ZUP1: variants seen among roughly 807,000 people sequenced by gnomAD.
ZUP1 encodes zinc finger-containing ubiquitin peptidase 1.
In ZUP1, 55 loss-of-function variants were observed where a neutral mutation model predicts 68.1. The ratio of observed to expected loss-of-function variants is 0.81; its 90% CI spans 0.65 to 1.01. ZUP1 has a LOEUF of 1.01. Among genes scored for constraint, ZUP1 ranks in the 50% least tolerant of loss-of-function variants. The probability of loss-of-function intolerance (pLI) is 0.00; values close to 1 mark genes in which losing one functional copy is unlikely to be tolerated. For missense variants in ZUP1, 684 were observed against 674.9 expected, an observed-to-expected ratio of 1.01 and a Z score of -0.15; for synonymous variants, 223 against 221.5, an observed-to-expected ratio of 1.01 and a Z score of -0.06.
rs778372905 is a variant in ZUP1 at position 116,666,844 on chromosome 6, C to T, written c.349G>A (p.Gly117Ser). 68 of 1,610,420 alleles carry T rather than the reference C, an allele frequency of 4.2e-5. 1 individual carries two copies. The South Asian group carries it at 7.4e-4, about 18-fold the overall frequency. ...LTKDSTLKHE[G>S]FYSENLTESR... The stretch of plus-strand genomic sequence containing the variant: ...TCAGTTAAGTTCTCTGAATAGAAGC[C>T]TTCATGTTTTAAAGTACTATCTTTA... The change falls in exon 2 of 10, where the codon GGC becomes AGC. Residue 117 changes from glycine (G) to serine (S), a missense_variant. Gly to Ser is a moderately conservative substitution (Grantham distance 56). Transcript: ENST00000368576.
chr6:116,642,118 C>T (rs992675714), intron 9 of ZUP1, among the ~76,000 whole-genome samples: 30 of 152,032 alleles, frequency 2.0e-4, no homozygotes, highest in Non-Finnish European at 3.1e-4. Context: ...AACATACATT[C>T]TCCCAAGACT....
At chr6:116,648,844 C>T (rs985344606) in intron 7 of ZUP1, among the ~76,000 whole-genome samples, 2 of 151,762 alleles carry the variant, frequency 1.3e-5, no homozygotes, top group African/African-American at 4.8e-5. Flanking sequence ...GTGGCACATG[C>T]CTGTAATCCC....
At chr6:116,655,825 T>C (rs1776646269) in intron 5 of ZUP1, among the ~76,000 whole-genome samples, 2 of 152,156 alleles carry the variant, frequency 1.3e-5, no homozygotes, top group African/African-American at 4.8e-5. Context: ...ATAGAGTTGT[T>C]AGTGTCTAAA....
chr6:116,643,860 C>G (rs1158592889), intron 9 of ZUP1, among the ~76,000 whole-genome samples: 2 of 152,192 alleles, frequency 1.3e-5, no homozygotes, highest in Admixed American at 6.5e-5. Flanking sequence ...AACTACAGAG[C>G]TTCTGCACAG....
chr6:116,667,528 T>C (rs1006212464), intron 1 of ZUP1, among the ~76,000 whole-genome samples: 1 of 151,738 alleles, frequency 6.6e-6, no homozygotes, highest in Non-Finnish European at 1.5e-5. Context: ...AAGAAAAAAA[T>C]GAAGAGAAGA....
Position 116,651,466 on chromosome 6 carries a change from C to T in ZUP1, c.1316+106G>A, listed in dbSNP as rs1419228811. On this transcript the variant is annotated intron_variant, in intron 7 of 9. Transcript: ENST00000368576. ...ATTTTCATTGCTACTTAATTTAGTGCTACTTAATTTTATTTTTAAACTATC... is the reference window on the plus strand; with the variant it reads ...ATTTTCATTGCTACTTAATTTAGTGTTACTTAATTTTATTTTTAAACTATC... 3 of 917,476 alleles carry T rather than the reference C, an allele frequency of 3.3e-6. No homozygotes were observed. In the East Asian group the frequency reaches 8.4e-5, roughly 26 times the overall value. 56.8% of individuals were successfully genotyped at this position (917,476 alleles called of 1,614,324 possible). A position where few individuals can be genotyped will look rare whatever the true frequency, so the allele number is the denominator to read the frequency against.
rs745557696 is a variant in ZUP1 at position 116,666,845 on chromosome 6, T to C, written c.348A>G (p.Glu116=). ...CAGTTAAGTTCTCTGAATAGAAGCC[T>C]TCATGTTTTAAAGTACTATCTTTAG... The part of the protein sequence containing the change: ...NLTKDSTLKH[E]GFYSENLTES... Residue 116 remains glutamate (E), a synonymous_variant, in exon 2 of 10, where the codon GAA becomes GAG. Coordinates refer to ENST00000368576, the MANE Select transcript of ZUP1 (RefSeq NM_145062.3). 1 of 1,610,664 alleles carries C rather than the reference T, an allele frequency of 6.2e-7. No homozygotes were observed. Among genetic ancestry groups the C allele is most frequent in the South Asian group, 1.1e-5 (1 of 90,112 alleles).
rs1775894095 is a variant in ZUP1 at position 116,635,760 on chromosome 6, A to G, written c.*72T>C. ...AATTCACAGATTCATAATTGTATTA[A>G]GGAGTTCAATATCTACATTTAGAAA... On this transcript the variant is annotated 3_prime_UTR_variant, in exon 10 of 10. Coordinates refer to ENST00000368576, the MANE Select transcript of ZUP1 (RefSeq NM_145062.3). 8.5e-7 allele frequency: 1 copy of G among 1,176,406 alleles called. No individual in the cohort carries two copies. Among genetic ancestry groups the G allele is most frequent in the South Asian group, 1.4e-5 (1 of 70,084 alleles). 72.9% of individuals were successfully genotyped at this position (1,176,406 alleles called of 1,614,324 possible).
intron 2 of ZUP1, among the ~76,000 whole-genome samples, chr6:116,665,417 A>C (rs1043117011): frequency 6.6e-6 from 1 of 152,130 alleles, no homozygotes; most frequent in Non-Finnish European, 1.5e-5. Context: ...TGAAAGAAGA[A>C]ATTGTCAAGT....
At chr6:116,635,935 T>A in intron 9 of ZUP1, 56 bp from the exon 10 acceptor site, 2 of 1,148,786 alleles carry the variant, frequency 1.7e-6, no homozygotes, top group East Asian at 2.7e-5. Context: ...AATTAGAATA[T>A]GTGTTGTCAT....
chr6:116,650,113 C>A lies in ZUP1; in HGVS notation c.1316+1459G>T, dbSNP rs115562875. On this transcript the variant is annotated intron_variant, in intron 7 of 9. Transcript: ENST00000368576. Reference sequence around the variant, plus strand: ...AAAGCAAAGATTTTTAAAAAAGAGACATGATAAACTTAGAAGGTAAAGAAG... The same window carrying A: ...AAAGCAAAGATTTTTAAAAAAGAGAAATGATAAACTTAGAAGGTAAAGAAG... Among the ~76,000 whole-genome samples, 635 of 152,058 alleles carry A rather than the reference C, an allele frequency of 4.2e-3. 5 individuals are homozygous for A. The highest frequency in any genetic ancestry group is 0.014 in the African/African-American group (597 of 41,498).
At chr6:116,647,301 G>A (rs1181423440) in intron 8 of ZUP1, among the ~76,000 whole-genome samples, 158 bp downstream of exon 8, 1 of 152,142 alleles carries the variant, frequency 6.6e-6, no homozygotes, top group Non-Finnish European at 1.5e-5. Flanking sequence ...GGAGGTTGCA[G>A]CGAGCCAAGA....
At chr6:116,658,971 A>G (rs1172760271) in intron 3 of ZUP1, 47 bp from the exon 4 acceptor site, 1 of 1,463,018 alleles carries the variant, frequency 6.8e-7, no homozygotes, top group South Asian at 1.3e-5. Flanking sequence ...GTTGCAATCA[A>G]AGATTATTTA....
chr6:116,642,143 T>C (rs556365705), intron 9 of ZUP1, among the ~76,000 whole-genome samples: 21,452 of 151,306 alleles, frequency 0.14, 2,915 homozygotes, highest in African/African-American at 0.34. Context: ...CAGGAAGAAG[T>C]TGAATCTCTG....
At chr6:116,650,913 T>TAC (rs370152468) in intron 7 of ZUP1, among the ~76,000 whole-genome samples, 14,595 of 149,714 alleles carry the variant, frequency 0.097, 846 homozygotes, top group Admixed American at 0.17. Context: ...AAAATGAGAC[T>TAC]ACACACACAC....
In ZUP1 at chr6:116,651,569, T is replaced by C. The variant is rs1282174878; in HGVS notation, c.1316+3A>G. The C allele has an allele frequency of 2.5e-6, 4 of 1,597,418 alleles. No homozygotes were observed. The highest frequency in any genetic ancestry group is 3.4e-4 in the Middle Eastern group (2 of 5,970). Reference sequence around the variant, plus strand: ...ACATTTATTTAGGTTTTAAGGTACATACTTTACCCTTAGGGAGGTCAGGAG... The same window carrying C: ...ACATTTATTTAGGTTTTAAGGTACACACTTTACCCTTAGGGAGGTCAGGAG... On this transcript the variant is annotated splice_donor_region_variant and intron_variant, in intron 7 of 9. Coordinates refer to ENST00000368576, the MANE Select transcript of ZUP1 (RefSeq NM_145062.3).
At chr6:116,651,797 G>T (rs1776503556) in intron 6 of ZUP1, 60 bp from the exon 7 acceptor site, 1 of 1,583,334 alleles carries the variant, frequency 6.3e-7, no homozygotes, top group Non-Finnish European at 8.6e-7. Flanking sequence ...ATAATATTTA[G>T]CAGTGTATTA....
chr6:116,638,541 G>A (rs535685020), intron 9 of ZUP1, among the ~76,000 whole-genome samples: 99 of 152,264 alleles, frequency 6.5e-4, no homozygotes, highest in African/African-American at 2.4e-3. Context: ...TAGAGCCTTA[G>A]GAGTCACAAG....
intron 2 of ZUP1, 127 bp from the exon 3 acceptor site, chr6:116,660,973 C>A: frequency 1.8e-6 from 1 of 569,788 alleles, no homozygotes; most frequent in South Asian, 2.4e-5. Flanking sequence ...CATCACGGCT[C>A]ACTGCAGCAA....
Sources: allele counts gnomAD v4.1 joint callset (sites outside exome capture counted in the v4.1 genomes callset), GRCh38; gene constraint gnomAD v4.1.1; transcripts MANE v1.5; gene names NCBI Gene and HGNC (gene_info 2026-07-23, HGNC 2026-07-21).